CAMK4: variants seen among roughly 807,000 people sequenced by gnomAD.
The protein encoded by CAMK4 is calcium/calmodulin dependent protein kinase IV.
A neutral mutation model predicts 44.9 loss-of-function variants in CAMK4; 22 were observed. The observed-to-expected ratio is 0.49, with a 90% CI of 0.35 to 0.70. The LOEUF is 0.70. Among genes scored for constraint, CAMK4 ranks in the 30% least tolerant of loss-of-function variants. CAMK4 has a pLI of 0.01. For missense variants in CAMK4, 498 were observed against 586.8 expected, an observed-to-expected ratio of 0.85 and a Z score of 1.56; for synonymous variants, 218 against 215.4, an observed-to-expected ratio of 1.01 and a Z score of -0.11.
chr5:111,400,337 A>G (rs1752178220), intron 5 of CAMK4, among the ~76,000 whole-genome samples: 1 of 152,242 alleles, frequency 6.6e-6, no homozygotes, highest in Non-Finnish European at 1.5e-5. Flanking sequence ...CATTTATGAA[A>G]TAGTTTATTG....
chr5:111,260,282 T>G (rs1318437615), intron 1 of CAMK4, among the ~76,000 whole-genome samples: 1 of 152,142 alleles, frequency 6.6e-6, no homozygotes, highest in Non-Finnish European at 1.5e-5. Flanking sequence ...CAGAAACATT[T>G]TCAGTCCTTA....
rs934963694 is a variant in CAMK4, at chr5:111,290,874, C to T, written c.162-53150C>T. ...TGAATATGTAAAACGTATGGAACCACATAAGCAGATTTGGATTCCATCAAG... is the reference window on the plus strand; with the variant it reads ...TGAATATGTAAAACGTATGGAACCATATAAGCAGATTTGGATTCCATCAAG... On this transcript the variant is annotated intron_variant, in intron 1 of 10. Transcript: ENST00000282356. The surrounding 1 kb of genome is among the most constrained non-coding windows in gnomAD (Gnocchi z 4.5). Among the ~76,000 whole-genome samples the T allele has an allele frequency of 2.6e-5, 4 of 152,170 alleles. No homozygotes were observed. The highest frequency in any genetic ancestry group is 4.4e-5 in the Non-Finnish European group (3 of 68,030).
intron 4 of CAMK4, among the ~76,000 whole-genome samples, chr5:111,388,002 C>G (rs920388857): frequency 1.1e-4 from 17 of 152,184 alleles, no homozygotes; most frequent in Non-Finnish European, 1.9e-4. Flanking sequence ...CATGGATAGC[C>G]TGAATGGCAG....
intron 1 of CAMK4, among the ~76,000 whole-genome samples, chr5:111,319,559 T>G (rs1748573677): frequency 6.6e-6 from 1 of 152,126 alleles, no homozygotes; most frequent in Non-Finnish European, 1.5e-5. Flanking sequence ...CATAGATCAG[T>G]AAGATGCTCT....
chr5:111,415,268 G>A (rs1230260666), intron 5 of CAMK4, among the ~76,000 whole-genome samples: 2 of 152,180 alleles, frequency 1.3e-5, no homozygotes, highest in Non-Finnish European at 2.9e-5. Context: ...CCTCTGTCCA[G>A]CATATCCATG....
chr5:111,350,091 C>G (rs1345497479), intron 2 of CAMK4, among the ~76,000 whole-genome samples: 1 of 152,036 alleles, frequency 6.6e-6, no homozygotes, highest in Non-Finnish European at 1.5e-5. Flanking sequence ...ACTTCTGCTA[C>G]TTACTGATTG....
intron 1 of CAMK4, among the ~76,000 whole-genome samples, chr5:111,227,659 G>C (rs1257231044): frequency 6.6e-6 from 1 of 152,230 alleles, no homozygotes; most frequent in Non-Finnish European, 1.5e-5. Context: ...GAAGGCAGGT[G>C]CTGGCAGCAC....
intron 1 of CAMK4, among the ~76,000 whole-genome samples, chr5:111,331,644 C>T (rs1345923346): frequency 6.6e-6 from 1 of 151,646 alleles, no homozygotes; most frequent in Non-Finnish European, 1.5e-5. Flanking sequence ...ATTTGCCCTC[C>T]TACAAGACGG....
rs1755962081 is a variant in CAMK4, at chr5:111,493,998, G to T, written c.*9532G>T. On this transcript the variant is annotated 3_prime_UTR_variant, in exon 11 of 11. Coordinates refer to ENST00000282356, the MANE Select transcript of CAMK4 (RefSeq NM_001744.6). The surrounding 1 kb of genome is among the most constrained non-coding windows in gnomAD (Gnocchi z 4.1). ...AAAACTTCCTACTTGGGCTTTTCAG[G>T]CTTATGTGACATTATCTGGATGTGT... 1 of 152,150 alleles carries T rather than the reference G, an allele frequency of 6.6e-6. No homozygotes were observed. The highest frequency in any genetic ancestry group is 6.6e-5 in the Admixed American group (1 of 15,260). The allele number at this position is 152,150 out of a possible 1,614,324, so 9.4% of individuals were successfully genotyped here.
At chr5:111,384,025 T>G (rs1430303548) in intron 4 of CAMK4, among the ~76,000 whole-genome samples, 2 of 152,112 alleles carry the variant, frequency 1.3e-5, no homozygotes, top group East Asian at 3.9e-4. Flanking sequence ...TAGAAGACGT[T>G]TGGGTAGTTC....
At chr5:111,476,356 T>C (rs1755243076) in intron 8 of CAMK4, among the ~76,000 whole-genome samples, 1 of 151,904 alleles carries the variant, frequency 6.6e-6, no homozygotes, top group Non-Finnish European at 1.5e-5. Context: ...CTCGGCTCAC[T>C]GCAACCTCCG....
rs956198360 is a variant in CAMK4 at position 111,490,808 on chromosome 5, C to T, written c.*6342C>T. The T allele has an allele frequency of 1.1e-4, 16 of 152,096 alleles. No individual in the cohort carries two copies. The highest frequency in any genetic ancestry group is 3.2e-3 in the Middle Eastern group (1 of 316). The allele number at this position is 152,096 out of a possible 1,614,324, so 9.4% of individuals were successfully genotyped here. A position where few individuals can be genotyped will look rare whatever the true frequency, so the allele number is the denominator to read the frequency against. The stretch of plus-strand genomic sequence containing the variant: ...AAAAGTCCTCTATAAGCCAAAAGAA[C>T]GTTGTAACATATCCATTTATTAAGG... On this transcript the variant is annotated 3_prime_UTR_variant, in exon 11 of 11. Transcript: ENST00000282356.
At chr5:111,242,387 A>T (rs553923755) in intron 1 of CAMK4, among the ~76,000 whole-genome samples, 13 of 152,298 alleles carry the variant, frequency 8.5e-5, no homozygotes, top group Admixed American at 3.9e-4. Flanking sequence ...TATTTCACAC[A>T]TTCAATAAAG....
At chr5:111,414,706 C>A (rs772396948) in intron 5 of CAMK4, among the ~76,000 whole-genome samples, 15 of 151,774 alleles carry the variant, frequency 9.9e-5, no homozygotes, top group Non-Finnish European at 2.2e-4. Context: ...ATTTTAAAAC[C>A]AATATTTAGC....
At chr5:111,298,216 T>C (rs1747570348) in intron 1 of CAMK4, among the ~76,000 whole-genome samples, 1 of 152,220 alleles carries the variant, frequency 6.6e-6, no homozygotes, top group South Asian at 2.1e-4. Context: ...CTAAGTAATA[T>C]GAATTATAAA....
chr5:111,240,764 AGTT>A (rs1441663096), intron 1 of CAMK4, among the ~76,000 whole-genome samples: 3 of 152,344 alleles, frequency 2.0e-5, no homozygotes, highest in East Asian at 3.9e-4. Context: ...CAGCCTTTCA[AGTT>A]GTTCTCTGAT....
At chr5:111,337,220 A>G (rs541071877) in intron 1 of CAMK4, among the ~76,000 whole-genome samples, 32 of 151,250 alleles carry the variant, frequency 2.1e-4, no homozygotes, top group African/African-American at 7.7e-4. Flanking sequence ...ATTTCACCAT[A>G]TGGATGTATC....
At chr5:111,356,241 C>G (rs13182866) in intron 2 of CAMK4, among the ~76,000 whole-genome samples, 21,786 of 149,400 alleles carry the variant, frequency 0.15, 313 homozygotes, top group South Asian at 0.22. Context: ...ATTTGCATTT[C>G]TCTGATGGCC....
intron 1 of CAMK4, among the ~76,000 whole-genome samples, chr5:111,285,336 T>A (rs1182872669): frequency 1.3e-5 from 2 of 152,262 alleles, no homozygotes; most frequent in Non-Finnish European, 2.9e-5. Context: ...TTTTATAGAT[T>A]CCAATGTGCT....
Sources: gnomAD v4.1 joint callset for allele counts (sites outside exome capture counted in the v4.1 genomes callset) on GRCh38, gnomAD v4.1.1 for gene constraint, Gnocchi (gnomAD v3.1) non-coding constraint, MANE v1.5 for transcripts, NCBI Gene and HGNC (gene_info 2026-07-23, HGNC 2026-07-21) for gene names.